Variants in CHMP3 observed in about 807,000 individuals in gnomAD.
The protein encoded by CHMP3 is charged multivesicular body protein 3.
CHMP3 carries 8 observed loss-of-function variants against 27.4 expected under a neutral mutation model. The ratio of observed to expected loss-of-function variants is 0.29; its 90% confidence interval spans 0.17 to 0.53. The LOEUF is 0.53. Ranked by LOEUF, CHMP3 falls within the 20% of genes least tolerant of loss-of-function variation. The pLI is 0.96. For missense variants in CHMP3, 208 were observed against 271.5 expected (o/e 0.77, Z 1.64); for synonymous variants, 86 against 85.5 (o/e 1.01, Z -0.03).
chr2:86,542,541 T>C (rs1233139718), intron 1 of CHMP3, among the ~76,000 whole-genome samples: 5 of 152,202 alleles, frequency 3.3e-5, no homozygotes, highest in Non-Finnish European at 1.5e-5. Flanking sequence ...GAGGGCAGGC[T>C]GTAAGCAGCA....
chr2:86,529,912 C>T (rs529368249), intron 2 of CHMP3, among the ~76,000 whole-genome samples: 1 of 152,280 alleles, frequency 6.6e-6, no homozygotes, highest in East Asian at 1.9e-4. Context: ...ACATCTTAAC[C>T]ATTTTTAAGT....
At chr2:86,541,943 T>C (rs2103984083) in intron 2 of CHMP3, among the ~76,000 whole-genome samples, 1 of 152,296 alleles carries the variant, frequency 6.6e-6, no homozygotes, top group African/African-American at 2.4e-5. Flanking sequence ...CATGCTAAGA[T>C]AGAGCAGTGA....
chr2:86,510,315 ACT>A (rs1675052516), intron 4 of CHMP3, 41 bp downstream of exon 4: 1 of 1,382,762 alleles, frequency 7.2e-7, no homozygotes, highest in Non-Finnish European at 9.8e-7. Flanking sequence ...GTTTAGAGTG[ACT>A]CTGGGGTTTG....
intron 1 of CHMP3, among the ~76,000 whole-genome samples, chr2:86,553,029 G>A (rs1473152573): frequency 7.4e-6 from 1 of 134,338 alleles, no homozygotes; most frequent in East Asian, 2.6e-4. Context: ...TCGGGTGGGG[G>A]CAGCTTGATG....
chr2:86,554,159 A>G (rs1306580113), intron 1 of CHMP3, among the ~76,000 whole-genome samples: 1 of 152,186 alleles, frequency 6.6e-6, no homozygotes, highest in African/African-American at 2.4e-5. Flanking sequence ...TGCCCTCACC[A>G]GACACTGTAC....
At chr2:86,555,758 CTGTG>C (rs1677097235) in intron 1 of CHMP3, among the ~76,000 whole-genome samples, 1 of 152,004 alleles carries the variant, frequency 6.6e-6, no homozygotes, top group South Asian at 2.1e-4. Context: ...TTCTCTTCTT[CTGTG>C]TATGTCAAAT....
chr2:86,560,899 A>C (rs1286077968), intron 1 of CHMP3, among the ~76,000 whole-genome samples: 1 of 151,988 alleles, frequency 6.6e-6, no homozygotes, highest in Admixed American at 6.6e-5. Context: ...AAACAACCAG[A>C]TCTCATGAGA....
chr2:86,514,700 T>A (rs916489977), intron 3 of CHMP3, among the ~76,000 whole-genome samples: 1 of 152,202 alleles, frequency 6.6e-6, no homozygotes, highest in Non-Finnish European at 1.5e-5. Context: ...CAAAGCATTA[T>A]TTAATGGTAG....
intron 2 of CHMP3, among the ~76,000 whole-genome samples, chr2:86,537,426 T>C (rs948684288): frequency 5.9e-5 from 9 of 152,242 alleles, no homozygotes; most frequent in African/African-American, 2.2e-4. Context: ...CATCGATACT[T>C]GCTTTAAGTC....
chr2:86,543,203 C>T (rs1430258901), intron 1 of CHMP3, among the ~76,000 whole-genome samples: 5 of 152,148 alleles, frequency 3.3e-5, no homozygotes, highest in Non-Finnish European at 7.3e-5. Context: ...GACATACAGA[C>T]TAAATGGCAT....
intron 3 of CHMP3, 102 bp downstream of exon 3, chr2:86,529,116 G>C: frequency 1.6e-6 from 2 of 1,288,582 alleles, no homozygotes; most frequent in Non-Finnish European, 1.0e-6. Context: ...AAAATACAAA[G>C]AATAAAAACC....
At chr2:86,534,147 G>C (rs1456030052) in intron 2 of CHMP3, among the ~76,000 whole-genome samples, 1 of 138,540 alleles carries the variant, frequency 7.2e-6, no homozygotes, top group Non-Finnish European at 1.6e-5. Flanking sequence ...TGTGTAGTTT[G>C]TTGTTGGGTA....
chr2:86,535,998 T>TTTTC (rs1676120018), intron 2 of CHMP3, among the ~76,000 whole-genome samples: 1 of 141,060 alleles, frequency 7.1e-6, no homozygotes, highest in East Asian at 2.1e-4. Flanking sequence ...ACCTTTCTTT[T>TTTTC]TTTTTTTTTT....
intron 3 of CHMP3, chr2:86,512,089 T>C (rs1675127229): frequency 1.3e-5 from 2 of 152,200 alleles, no homozygotes; most frequent in South Asian, 4.1e-4. Context: ...TAATTGTATG[T>C]TGTACACTTG....
At chr2:86,505,991 G>A (rs368108981) in intron 5 of CHMP3, 42 bp from the exon 6 acceptor site, 2 of 1,478,992 alleles carry the variant, frequency 1.4e-6, no homozygotes, top group Non-Finnish European at 1.8e-6. Flanking sequence ...TTGGCTTAAG[G>A]AAGCAGCCCC....
rs538555454 is a variant in CHMP3 at position 86,505,088 on chromosome 2, G to A, written c.*716C>T. On this transcript the variant is annotated 3_prime_UTR_variant, in exon 6 of 6. Coordinates refer to ENST00000263856, the MANE Select transcript of CHMP3 (RefSeq NM_016079.4). ...CTCGAAGCAGGGACAGGCAATGAGA[G>A]GTGAAAGAGACCTAGTACTACAGCT... 5 of 152,338 alleles carry A rather than the reference G, an allele frequency of 3.3e-5. No individual in the cohort carries two copies. The highest frequency in any genetic ancestry group is 7.3e-5 in the Non-Finnish European group (5 of 68,076). The allele number at this position is 152,338 out of a possible 1,614,324, so 9.4% of individuals were successfully genotyped here.
intron 1 of CHMP3, among the ~76,000 whole-genome samples, chr2:86,547,435 GC>G (rs1435217443): frequency 6.6e-6 from 1 of 152,056 alleles, no homozygotes; most frequent in Non-Finnish European, 1.5e-5. Flanking sequence ...AAGGGGCTTT[GC>G]AAAAAAGAAA....
At chr2:86,510,218 T>G in intron 4 of CHMP3, 140 bp downstream of exon 4, 1 of 1,340,604 alleles carries the variant, frequency 7.5e-7, no homozygotes, top group South Asian at 1.5e-5. Context: ...TCAATCAATG[T>G]TAACAGCTAC....
intron 2 of CHMP3, among the ~76,000 whole-genome samples, chr2:86,535,177 G>T (rs1487398951): frequency 4.6e-5 from 7 of 150,648 alleles, no homozygotes; most frequent in Non-Finnish European, 8.8e-5. Context: ...GATTGCTAGA[G>T]CCCAGGAGGT....
Sources: allele counts gnomAD v4.1 joint callset (sites outside exome capture counted in the v4.1 genomes callset), GRCh38; gene constraint gnomAD v4.1.1; transcripts MANE v1.5; gene names NCBI Gene and HGNC (gene_info 2026-07-23, HGNC 2026-07-21).